The following PPP6R3 variants were observed in gnomAD, a reference collection of about 807,000 sequenced individuals.
The protein encoded by PPP6R3 is protein phosphatase 6 regulatory subunit 3.
Under a neutral mutation model 110.7 loss-of-function variants are expected in PPP6R3, and 38 were observed. That is an observed-to-expected ratio of 0.34 (90% CI 0.26 to 0.45). The LOEUF (loss-of-function observed/expected upper bound fraction) is 0.45. PPP6R3 is among the 20% of genes least tolerant of loss of function. PPP6R3 has a pLI of 1.00. For missense variants in PPP6R3, 870 were observed against 1,062.4 expected, an observed-to-expected ratio of 0.82 and a Z score of 2.52; for synonymous variants, 369 against 373.5, an observed-to-expected ratio of 0.99 and a Z score of 0.14.
intron 3 of PPP6R3, among the ~76,000 whole-genome samples, chr11:68,540,350 C>T (rs1003264254): frequency 6.6e-6 from 1 of 152,102 alleles, no homozygotes; most frequent in African/African-American, 2.4e-5. Flanking sequence ...CCCCACAAGC[C>T]ACAAAAACCA....
chr11:68,487,391 A>G (rs1250027615), intron 1 of PPP6R3, among the ~76,000 whole-genome samples: 1 of 152,058 alleles, frequency 6.6e-6, no homozygotes, highest in Non-Finnish European at 1.5e-5. Context: ...CAACATGGCA[A>G]AACTCTATCT....
chr11:68,529,737 T>C (rs925508081), intron 2 of PPP6R3, among the ~76,000 whole-genome samples: 1 of 152,246 alleles, frequency 6.6e-6, no homozygotes, highest in Non-Finnish European at 1.5e-5. Flanking sequence ...GCCCAAGTTG[T>C]TACATTTCAA....
chr11:68,548,490 T>C (rs1253355090), intron 5 of PPP6R3, among the ~76,000 whole-genome samples: 2 of 152,180 alleles, frequency 1.3e-5, no homozygotes, highest in Non-Finnish European at 2.9e-5. Context: ...GGTGAGACTT[T>C]ATGGGTTGAG....
chr11:68,583,734 A>G (rs1048492422), intron 15 of PPP6R3, among the ~76,000 whole-genome samples: 3 of 152,168 alleles, frequency 2.0e-5, no homozygotes, highest in African/African-American at 4.8e-5. Context: ...AGAAGTGACA[A>G]ATGATTTCAC....
In PPP6R3 at chr11:68,567,197, A is replaced by G. The variant is rs1229962106; in HGVS notation, c.1128+31A>G. 56 of 1,506,366 alleles carry G rather than the reference A, an allele frequency of 3.7e-5. No individual in the cohort carries two copies. In the Admixed American group the frequency reaches 1.2e-3, roughly 32 times the overall value. 93.3% of individuals were successfully genotyped at this position (1,506,366 alleles called of 1,614,324 possible). ...ATTTTCCCTGCTCACAGACATTTTA[A>G]TTTGCCATTGATATTTCATGGATAT... On this transcript the variant is annotated intron_variant, in intron 10 of 23. Coordinates refer to ENST00000393800, the MANE Select transcript of PPP6R3 (RefSeq NM_001164161.2).
intron 1 of PPP6R3, among the ~76,000 whole-genome samples, chr11:68,477,737 A>ATATATATAT (rs1555021085): frequency 1.5e-5 from 1 of 64,558 alleles, no homozygotes; most frequent in African/African-American, 5.9e-5. Flanking sequence ...TTAAAAAAAA[A>ATATATATAT]AAAAATATAT....
At chr11:68,597,492 A>G (rs2099617555) in intron 19 of PPP6R3, among the ~76,000 whole-genome samples, 1 of 152,200 alleles carries the variant, frequency 6.6e-6, no homozygotes, top group South Asian at 2.1e-4. Context: ...CAACAGTGAA[A>G]AATGGACGAG....
intron 5 of PPP6R3, among the ~76,000 whole-genome samples, chr11:68,548,934 A>C (rs2153690200): frequency 6.6e-6 from 1 of 152,228 alleles, no homozygotes; most frequent in South Asian, 2.1e-4. Context: ...TCTGTCGCCC[A>C]GGCTGGAGTG....
chr11:68,539,857 G>A (rs2099301437), intron 3 of PPP6R3, among the ~76,000 whole-genome samples: 1 of 152,226 alleles, frequency 6.6e-6, no homozygotes, highest in East Asian at 1.9e-4. Context: ...GCTCAGGAAA[G>A]GCCTAATTAA....
At chr11:68,571,536 T>G (rs1204875736) in intron 12 of PPP6R3, among the ~76,000 whole-genome samples, 2 of 152,232 alleles carry the variant, frequency 1.3e-5, no homozygotes, top group African/African-American at 4.8e-5. Flanking sequence ...GGAAAAAAAT[T>G]GCTCAGTGTT....
rs183984024 is a variant in PPP6R3 at position 68,578,701 on chromosome 11, C to T, written c.1545+2658C>T. ...TCACTTCTTTTGGATAAGCTGTGCC[C>T]AGCCCCAGGCTCCTATCACTTCTGT... On this transcript the variant is annotated intron_variant, in intron 14 of 23. Transcript: ENST00000393800. 1.5e-4 allele frequency among the ~76,000 whole-genome samples: 23 copies of T among 152,328 alleles called. No homozygotes were observed. In the East Asian group the frequency reaches 2.1e-3, roughly 14 times the overall value.
chr11:68,481,490 G>A lies in PPP6R3; in HGVS notation c.-158+20663G>A, dbSNP rs373588259. On this transcript the variant is annotated intron_variant, in intron 1 of 23. Transcript: ENST00000393800. ...ATGTAACTTCATCAAACTTCAAAGAGCCAAGCTTGATAATCTTTCAGGGTT... is the reference window on the plus strand; with the variant it reads ...ATGTAACTTCATCAAACTTCAAAGAACCAAGCTTGATAATCTTTCAGGGTT... Among the ~76,000 whole-genome samples, 3 of 152,354 alleles carry A rather than the reference G, an allele frequency of 2.0e-5. No homozygotes were observed. The South Asian group carries it at 6.2e-4, about 32-fold the overall frequency.
At chr11:68,612,949 T>C in intron 23 of PPP6R3, 117 bp from the exon 24 acceptor site, 2 of 1,522,716 alleles carry the variant, frequency 1.3e-6, no homozygotes. Context: ...AAAAACTTAC[T>C]AAGTTCAAAA....
intron 2 of PPP6R3, among the ~76,000 whole-genome samples, chr11:68,522,247 T>C (rs899144318): frequency 2.6e-5 from 4 of 152,256 alleles, no homozygotes; most frequent in Non-Finnish European, 5.9e-5. Flanking sequence ...ATCTGCAAAA[T>C]GCTATGTAAC....
intron 1 of PPP6R3, among the ~76,000 whole-genome samples, chr11:68,472,066 T>C (rs1490754879): frequency 6.6e-6 from 1 of 152,096 alleles, no homozygotes; most frequent in Non-Finnish European, 1.5e-5. Flanking sequence ...TACCTGAGGG[T>C]AGCAGTCCTG....
chr11:68,544,868 T>C lies in PPP6R3; in HGVS notation c.258T>C (p.Thr86=). 6.2e-7 allele frequency: 1 copy of C among 1,607,018 alleles called. No homozygotes were observed. Among genetic ancestry groups the C allele is most frequent in the South Asian group, 1.1e-5 (1 of 90,904 alleles). Residue 86 remains threonine, a synonymous_variant, in exon 4 of 24, where the codon ACT becomes ACC. Transcript: ENST00000393800. The stretch of plus-strand genomic sequence containing the variant: ...CAAATATATCTTGTGAGTTGCTCAC[T>C]TCTGATGTCTCCCAGATGAATGATA... ...KYPNISCELL[T]SDVSQMNDRL...
intron 1 of PPP6R3, among the ~76,000 whole-genome samples, chr11:68,509,061 T>G (rs143799107): frequency 0.011 from 1,745 of 152,364 alleles, 16 homozygotes; most frequent in Middle Eastern, 0.044. Flanking sequence ...CTCGTTAGCT[T>G]CCATGATGCT....
chr11:68,482,710 A>C (rs1454563976), intron 1 of PPP6R3, among the ~76,000 whole-genome samples: 1 of 152,098 alleles, frequency 6.6e-6, no homozygotes, highest in Non-Finnish European at 1.5e-5. Flanking sequence ...ATTTTGAAAA[A>C]AATTATAGAG....
intron 1 of PPP6R3, among the ~76,000 whole-genome samples, chr11:68,474,470 C>A (rs1305411822): frequency 5.3e-5 from 8 of 152,002 alleles, no homozygotes; most frequent in Admixed American, 5.2e-4. Flanking sequence ...TTTTAACTTA[C>A]CTAATGCCTT....
Sources: allele counts gnomAD v4.1 joint callset (sites outside exome capture counted in the v4.1 genomes callset), GRCh38; gene constraint gnomAD v4.1.1; transcripts MANE v1.5; gene names NCBI Gene and HGNC (gene_info 2026-07-23, HGNC 2026-07-21).